PITX1: variants seen among roughly 807,000 people sequenced by gnomAD.
PITX1 encodes the protein pituitary homeobox 1.
PITX1 carries 5 observed loss-of-function variants against 24.1 expected under a neutral mutation model. The ratio of observed to expected loss-of-function variants is 0.21; its 90% CI spans 0.11 to 0.44. PITX1 has a LOEUF of 0.44. PITX1 is among the 20% of genes least tolerant of loss of function. The pLI, the probability that PITX1 is intolerant of heterozygous loss-of-function variation, is 0.99. For synonymous variants in PITX1, 213 were observed against 208.9 expected (o/e 1.02, Z -0.17); for missense variants, 401 against 455.4 (o/e 0.88, Z 1.09).
chr5:135,029,511 C>A (rs575217854), intron 2 of PITX1, among the ~76,000 whole-genome samples, 190 bp from the exon 3 acceptor site: 12 of 152,370 alleles, frequency 7.9e-5, no homozygotes, highest in African/African-American at 2.9e-4. Flanking sequence ...ATACTAATTT[C>A]TTTTTCCGAT....
intron 2 of PITX1, 90 bp from the exon 3 acceptor site, chr5:135,029,411 C>CCGCTGCCCTCCGAA: frequency 9.7e-7 from 1 of 1,029,576 alleles, no homozygotes; most frequent in Non-Finnish European, 1.4e-6. Flanking sequence ...TTCCGTCGGC[C>CCGCTGCCCTCCGAA]CGCTGCCCTC....
chr5:135,034,522 C>A (rs1190037845), upstream of PITX1: 1 of 152,232 alleles, frequency 6.6e-6, no homozygotes, highest in Non-Finnish European at 1.5e-5. Context: ...CTCGGCCTCA[C>A]AAAAGAAACG....
chr5:135,030,166 C>G (rs557869236), intron 2 of PITX1, among the ~76,000 whole-genome samples: 1 of 152,268 alleles, frequency 6.6e-6, no homozygotes, highest in South Asian at 2.1e-4. Context: ...TAGTCCTCCC[C>G]CATCCTTACC....
At chr5:135,031,229 CG>C in intron 2 of PITX1, 46 bp downstream of exon 2, 1 of 1,485,874 alleles carries the variant, frequency 6.7e-7, no homozygotes, top group Admixed American at 1.7e-5. Flanking sequence ...AGAGGCGGCC[CG>C]GGAGCCCTCT....
At chr5:135,032,884 A>G (rs1443499483) in intron 1 of PITX1, 1 of 397,234 alleles carries the variant, frequency 2.5e-6, no homozygotes, top group East Asian at 7.9e-5. Context: ...GTATTAAGAA[A>G]TGAACGCAGA....
intron 2 of PITX1, among the ~76,000 whole-genome samples, chr5:135,030,055 AAT>A (rs1752422381): frequency 1.3e-5 from 2 of 152,168 alleles, no homozygotes; most frequent in African/African-American, 2.4e-5. Flanking sequence ...ATATATGCCA[AAT>A]ATGTTTCTCC....
chr5:135,034,445 C>A (rs1752534355), upstream of PITX1: 1 of 152,254 alleles, frequency 6.6e-6, no homozygotes, highest in African/African-American at 2.4e-5. Context: ...ACCTTCCCGC[C>A]GCCTCCCCGC....
chr5:135,032,967 C>T (rs1752482429), intron 1 of PITX1: 1 of 447,920 alleles, frequency 2.2e-6, no homozygotes, highest in South Asian at 1.6e-5. Context: ...GGATTCGCTG[C>T]CCCACTGCCC....
At position 135,033,828 on chromosome 5, in the gene PITX1, C is replaced by T; in HGVS notation, c.54G>A (p.Arg18=). ...TGTCATGGGGTGGCGGCGGCGGCGGCCGGAGCCCCTCCGGCAGCCGCTCCA... is the reference window on the plus strand; with the variant it reads ...TGTCATGGGGTGGCGGCGGCGGCGGTCGGAGCCCCTCCGGCAGCCGCTCCA... ...MSLERLPEGL[R]PPPPPPHDMG... is the part of the protein sequence containing the mutation. Residue 18 remains arginine (R), a synonymous_variant, in exon 1 of 3, where the codon CGG becomes CGA. Transcript: ENST00000265340. The surrounding 1 kb of genome is among the most constrained non-coding windows in gnomAD (Gnocchi z 5.9). 1.3e-6 allele frequency: 2 copies of T among 1,530,002 alleles called. No individual in the cohort carries two copies. Among genetic ancestry groups the T allele is most frequent in the Non-Finnish European group, 1.7e-6 (2 of 1,147,970 alleles). 94.8% of individuals were successfully genotyped at this position (1,530,002 alleles called of 1,614,324 possible).
chr5:135,032,082 T>G (rs1347860303), intron 1 of PITX1: 1 of 152,982 alleles, frequency 6.5e-6, no homozygotes, highest in African/African-American at 2.4e-5. Context: ...ACCTCGGGCT[T>G]TAGTCTGTCT....
upstream of PITX1, chr5:135,034,708 G>C (rs1183180415): frequency 1.3e-5 from 2 of 152,374 alleles, no homozygotes; most frequent in Non-Finnish European, 2.9e-5. Context: ...CTTCGAGCCA[G>C]CGCCGGGGCG....
intron 2 of PITX1, 89 bp from the exon 3 acceptor site, chr5:135,029,410 C>T: frequency 1.9e-6 from 2 of 1,077,758 alleles, no homozygotes; most frequent in Non-Finnish European, 1.4e-6. Context: ...CTTCCGTCGG[C>T]CCGCTGCCCT....
intron 2 of PITX1, among the ~76,000 whole-genome samples, chr5:135,029,574 G>T (rs1411108816): frequency 6.6e-6 from 1 of 152,082 alleles, no homozygotes; most frequent in African/African-American, 2.4e-5. Context: ...ACGGATTCTC[G>T]TTTAACAGAT....
chr5:135,029,109 C>T lies in PITX1; in HGVS notation c.615G>A (p.Met205Ile). The T allele has an allele frequency of 6.2e-7, 1 of 1,614,228 alleles. No individual in the cohort carries two copies. Among genetic ancestry groups the T allele is most frequent in the Non-Finnish European group, 8.5e-7 (1 of 1,180,040 alleles). The change falls in exon 3 of 3, where the codon ATG becomes ATA. Residue 205 changes from methionine (M) to isoleucine (I), a missense_variant. This residue lies in a region of PITX1 where 217 missense variants were observed against 219.8 expected (regional missense o/e 0.99). Transcript: ENST00000265340. ...ACATGGACTGCGACGACAGCGGGCT[C>T]ATGGAGTTGAAGAAGGTGAAGCTCT... is the stretch of plus-strand genomic sequence containing the variant. ...STKSFTFFNS[M>I]SPLSSQSMFS...
chr5:135,033,028 G>C lies in PITX1; in HGVS notation c.169+685C>G, dbSNP rs1374256312. On this transcript the variant is annotated intron_variant, in intron 1 of 2. Coordinates refer to ENST00000265340, the MANE Select transcript of PITX1 (RefSeq NM_002653.5). This position sits in a 1 kb window ranked among gnomAD's most constrained non-coding sequence, Gnocchi z 5.9. ...CGCTGCTGGAAAAAAGCTCCAGCTC[G>C]GACAAAAAAAGGCAGCGCGGAGGGA... 7.4e-6 allele frequency: 3 copies of C among 407,016 alleles called. No homozygotes were observed. Among genetic ancestry groups the C allele is most frequent in the Middle Eastern group, 5.4e-4 (1 of 1,860 alleles). The allele number at this position is 407,016 out of a possible 1,614,324, so 25.2% of individuals were successfully genotyped here. A position where few individuals can be genotyped will look rare whatever the true frequency, so the allele number is the denominator to read the frequency against.
Position 135,033,913 on chromosome 5 carries a change from G to A in PITX1, c.-32C>T. On this transcript the variant is annotated 5_prime_UTR_variant, in exon 1 of 3. Transcript: ENST00000265340. The surrounding 1 kb of genome is among the most constrained non-coding windows in gnomAD (Gnocchi z 5.9). ...GGGGACCGCGGCGGGCGCTCCAGGG[G>A]CCGGGGCTGGGCGCGCCCCGCCGCC... The A allele has an allele frequency of 4.6e-6, 6 of 1,310,042 alleles. No homozygotes were observed. The highest frequency in any genetic ancestry group is 5.8e-6 in the Non-Finnish European group (6 of 1,031,002). 81.2% of individuals were successfully genotyped at this position (1,310,042 alleles called of 1,614,324 possible).
intron 1 of PITX1, chr5:135,032,913 G>T: frequency 2.3e-6 from 1 of 429,446 alleles, no homozygotes; most frequent in Non-Finnish European, 4.7e-6. Flanking sequence ...CCACACCGGG[G>T]AGCTCGGAGC....
At chr5:135,029,728 C>T (rs563009377) in intron 2 of PITX1, among the ~76,000 whole-genome samples, 1 of 152,278 alleles carries the variant, frequency 6.6e-6, no homozygotes, top group Non-Finnish European at 1.5e-5. Flanking sequence ...TAGGACTTTC[C>T]GACTCCCCCA....
chr5:135,033,086 G>C lies in PITX1; in HGVS notation c.169+627C>G, dbSNP rs777359001. ...AGGAGCCGGGGCGGGGGCCAGAGCC[G>C]GGCTGCTCCGGGCTTCGGCCGCGCA... On this transcript the variant is annotated intron_variant, in intron 1 of 2. Transcript: ENST00000265340. The surrounding 1 kb of genome is among the most constrained non-coding windows in gnomAD (Gnocchi z 5.9). 5 of 411,818 alleles carry C rather than the reference G, an allele frequency of 1.2e-5. No individual in the cohort carries two copies. Among genetic ancestry groups the C allele is most frequent in the Non-Finnish European group, 2.4e-5 (5 of 206,584 alleles). 25.5% of individuals were successfully genotyped at this position (411,818 alleles called of 1,614,324 possible). A position where few individuals can be genotyped will look rare whatever the true frequency, so the allele number is the denominator to read the frequency against.
Sources: gnomAD v4.1 joint callset for allele counts (sites outside exome capture counted in the v4.1 genomes callset) on GRCh38, gnomAD v4.1.1 for gene constraint, gnomAD v4.1.1 regional missense constraint, Gnocchi (gnomAD v3.1) non-coding constraint, MANE v1.5 for transcripts, NCBI Gene and HGNC (gene_info 2026-07-23, HGNC 2026-07-21) for gene names.